GPR139: variants seen among roughly 807,000 people sequenced by gnomAD.
GPR139 encodes G protein-coupled receptor 139.
A neutral mutation model predicts 25.8 loss-of-function variants in GPR139; 12 were observed. The observed-to-expected ratio is 0.47, with a 90% CI of 0.30 to 0.75. The LOEUF is 0.75. Among genes scored for constraint, GPR139 ranks in the 30% least tolerant of loss-of-function variants. GPR139 has a pLI of 0.07. For missense variants in GPR139, 380 were observed against 450.2 expected (o/e 0.84, Z 1.41); for synonymous variants, 184 against 179.9 (o/e 1.02, Z -0.18).
chr16:20,047,574 C>CG (rs1373492983), intron 1 of GPR139, among the ~76,000 whole-genome samples: 2 of 152,128 alleles, frequency 1.3e-5, no homozygotes, highest in Non-Finnish European at 2.9e-5. Context: ...CACGTGACAT[C>CG]GGGGGGAAAA....
intron 1 of GPR139, among the ~76,000 whole-genome samples, chr16:20,052,639 T>C (rs1185536334): frequency 6.6e-6 from 1 of 151,928 alleles, no homozygotes; most frequent in African/African-American, 2.4e-5. Context: ...CTCCTAAAAA[T>C]ACAACAAATT....
chr16:20,043,811 C>A (rs2057344786), intron 1 of GPR139, among the ~76,000 whole-genome samples: 1 of 152,124 alleles, frequency 6.6e-6, no homozygotes, highest in Non-Finnish European at 1.5e-5. Flanking sequence ...GGGGTCAGGG[C>A]TTTACAAGAA....
At chr16:20,072,501 T>G (rs1416048681) in intron 1 of GPR139, among the ~76,000 whole-genome samples, 1 of 152,072 alleles carries the variant, frequency 6.6e-6, no homozygotes, top group African/African-American at 2.4e-5. Flanking sequence ...TCAGTCCCTC[T>G]CTCCTCTCTG....
chr16:20,039,893 G>A (rs1406720293), intron 1 of GPR139, among the ~76,000 whole-genome samples: 2 of 152,178 alleles, frequency 1.3e-5, no homozygotes, highest in African/African-American at 4.8e-5. Flanking sequence ...TTGAGTTGGA[G>A]CTGGCCCTGT....
intron 1 of GPR139, among the ~76,000 whole-genome samples, chr16:20,036,218 C>G (rs2141201401): frequency 6.6e-6 from 1 of 152,266 alleles, no homozygotes; most frequent in African/African-American, 2.4e-5. Context: ...ATAGTCAGAG[C>G]TTCATGGAAC....
At chr16:20,059,695 G>T (rs981326435) in intron 1 of GPR139, among the ~76,000 whole-genome samples, 2 of 152,278 alleles carry the variant, frequency 1.3e-5, no homozygotes, top group Non-Finnish European at 2.9e-5. Context: ...TTCTCCCACT[G>T]CCTAGAAGAG....
chr16:20,047,981 G>C (rs2057359816), intron 1 of GPR139, among the ~76,000 whole-genome samples: 1 of 152,162 alleles, frequency 6.6e-6, no homozygotes, highest in South Asian at 2.1e-4. Context: ...CTATTAGACA[G>C]GGTAAAAGTT....
rs2057470040 is a variant in GPR139, at chr16:20,073,763, G to A, written c.-147C>T. ...GCAGGACTGGCTCCTACCCTTGGCC[G>A]TGATCCCCTCTGCTCGCTCCGCACC... On this transcript the variant is annotated 5_prime_UTR_variant, in exon 1 of 2. In the 5' UTR this introduces an upstream ATG that the reference lacks. Transcript: ENST00000570682. The surrounding 1 kb of genome is among the most constrained non-coding windows in gnomAD (Gnocchi z 4.7). 8.6e-6 allele frequency: 9 copies of A among 1,040,934 alleles called. No homozygotes were observed. Among genetic ancestry groups the A allele is most frequent in the Non-Finnish European group, 2.7e-6 (2 of 747,004 alleles). The allele number at this position is 1,040,934 out of a possible 1,614,324, so 64.5% of individuals were successfully genotyped here.
At position 20,029,484 on chromosome 16, in the gene GPR139, A is replaced by AATAAATAAAT. The variant is rs1334867595; in HGVS notation, c.*2250_*2251insATTTATTTAT. On this transcript the variant is annotated 3_prime_UTR_variant, in exon 2 of 2. Transcript: ENST00000570682. Reference sequence around the variant, plus strand: ...TACATGTTTAAAAAATAAATAAATAAATATATATATATATATATATTCAGT... The same window carrying AATAAATAAAT: ...TACATGTTTAAAAAATAAATAAATAAATAAATAAATATATATATATATATATATATTCAGT... 2.8e-4 allele frequency among the ~76,000 whole-genome samples: 40 copies of AATAAATAAAT among 144,100 alleles called. No individual in the cohort carries two copies. Among genetic ancestry groups the AATAAATAAAT allele is most frequent in the South Asian group, 6.5e-4 (3 of 4,650 alleles). The allele number at this position is 144,100 out of a possible 152,430, so 94.5% of individuals were successfully genotyped here.
chr16:20,062,402 C>T (rs1253014302), intron 1 of GPR139, among the ~76,000 whole-genome samples: 1 of 152,184 alleles, frequency 6.6e-6, no homozygotes, highest in Non-Finnish European at 1.5e-5. Context: ...GAGGGCCCTT[C>T]CCAGAGCCTG....
intron 1 of GPR139, among the ~76,000 whole-genome samples, chr16:20,050,062 C>T (rs766713550): frequency 2.6e-5 from 4 of 152,212 alleles, no homozygotes; most frequent in Non-Finnish European, 5.9e-5. Context: ...AGTTTCTGCC[C>T]TCCTGGAGGC....
chr16:20,046,594 G>A (rs1052819480), intron 1 of GPR139, among the ~76,000 whole-genome samples: 1 of 152,186 alleles, frequency 6.6e-6, no homozygotes, highest in Non-Finnish European at 1.5e-5. Flanking sequence ...TGTAAGCCAG[G>A]AGGCCGAGAC....
intron 1 of GPR139, among the ~76,000 whole-genome samples, chr16:20,062,492 C>T (rs773267087): frequency 3.3e-5 from 5 of 152,168 alleles, no homozygotes; most frequent in Non-Finnish European, 5.9e-5. Context: ...TTTATAAAGC[C>T]TTCAGAACTG....
chr16:20,060,661 A>G (rs1486277283), intron 1 of GPR139, among the ~76,000 whole-genome samples: 3 of 152,234 alleles, frequency 2.0e-5, no homozygotes, highest in Non-Finnish European at 4.4e-5. Flanking sequence ...CATACTCTGT[A>G]TAATGTATTG....
chr16:20,047,547 A>G (rs2057358490), intron 1 of GPR139, among the ~76,000 whole-genome samples: 1 of 152,242 alleles, frequency 6.6e-6, no homozygotes, highest in Non-Finnish European at 1.5e-5. Context: ...CCAATTTAAA[A>G]GAAGAAAAAA....
At chr16:20,060,252 G>A (rs2057407144) in intron 1 of GPR139, among the ~76,000 whole-genome samples, 1 of 152,000 alleles carries the variant, frequency 6.6e-6, no homozygotes, top group African/African-American at 2.4e-5. Flanking sequence ...GTGTGTGTGT[G>A]TGTGCGTGTG....
Position 20,036,209 on chromosome 16 carries a change from T to C in GPR139, c.128-3540A>G, listed in dbSNP as rs186070846. ...CCTGCTCCTCTGACCTAATCATATA[T>C]AGTCAGAGCTTCATGGAACCCAAGC... On this transcript the variant is annotated intron_variant, in intron 1 of 1. Transcript: ENST00000570682. Among the ~76,000 whole-genome samples the C allele has an allele frequency of 1.6e-3, 243 of 152,278 alleles. 1 individual carries two copies. Among genetic ancestry groups the C allele is most frequent in the Admixed American group, 3.1e-3 (47 of 15,300 alleles).
At position 20,036,169 on chromosome 16, in the gene GPR139, G is replaced by T. The variant is rs182026118; in HGVS notation, c.128-3500C>A. Among the ~76,000 whole-genome samples the T allele has an allele frequency of 9.2e-5, 14 of 152,268 alleles. No individual in the cohort carries two copies. The East Asian group carries it at 2.7e-3, about 29-fold the overall frequency. ...CTTTGGTGAAGGGCCCTGATTAAAGGCTTGGTTTCCAATCCCTGCTCCTCT... is the reference window on the plus strand; with the variant it reads ...CTTTGGTGAAGGGCCCTGATTAAAGTCTTGGTTTCCAATCCCTGCTCCTCT... On this transcript the variant is annotated intron_variant, in intron 1 of 1. Transcript: ENST00000570682.
Position 20,031,555 on chromosome 16 carries a change from C to T in GPR139, c.*180G>A. ...AAATAAATGCATAAGTAAAAACAAG[C>T]TTCATGCTCTCCTTTCTTCTCTTCC... On this transcript the variant is annotated 3_prime_UTR_variant, in exon 2 of 2. Transcript: ENST00000570682. 1 of 605,068 alleles carries T rather than the reference C, an allele frequency of 1.7e-6. No homozygotes were observed. The highest frequency in any genetic ancestry group is 2.7e-5 in the East Asian group (1 of 36,512). The allele number at this position is 605,068 out of a possible 1,614,324, so 37.5% of individuals were successfully genotyped here. A position where few individuals can be genotyped will look rare whatever the true frequency, so the allele number is the denominator to read the frequency against.
Sources: gnomAD v4.1 joint callset for allele counts (sites outside exome capture counted in the v4.1 genomes callset) on GRCh38, gnomAD v4.1.1 for gene constraint, Gnocchi (gnomAD v3.1) non-coding constraint, MANE v1.5 for transcripts, NCBI Gene and HGNC (gene_info 2026-07-23, HGNC 2026-07-21) for gene names.